PIK3C2G: variants seen among roughly 807,000 people sequenced by gnomAD.
PIK3C2G encodes the protein phosphatidylinositol-4-phosphate 3-kinase catalytic subunit type 2 gamma, also known as phosphatidylinositol 3-kinase C2 domain-containing subunit gamma.
A neutral mutation model predicts 181.1 loss-of-function variants in PIK3C2G; 168 were observed. The ratio of observed to expected loss-of-function variants is 0.93; its 90% CI spans 0.82 to 1.05. PIK3C2G has a LOEUF of 1.05. Among genes scored for constraint, PIK3C2G ranks in the 50% least tolerant of loss-of-function variants. The probability of loss-of-function intolerance (pLI) is 0.00; values close to 1 mark genes in which losing one functional copy is unlikely to be tolerated. For missense variants in PIK3C2G, 1,869 were observed against 1,732.8 expected (o/e 1.08, Z -1.40); for synonymous variants, 573 against 592.2 (o/e 0.97, Z 0.47).
At chr12:18,495,766 C>T (rs1940951182) in intron 20 of PIK3C2G, among the ~76,000 whole-genome samples, 1 of 152,098 alleles carries the variant, frequency 6.6e-6, no homozygotes, top group Non-Finnish European at 1.5e-5. Flanking sequence ...CTGCTTAGTT[C>T]ATTTAAACCT....
chr12:18,718,836 T>C, the PIK3C2G span, among the ~76,000 whole-genome samples: 1 of 152,226 alleles, frequency 6.6e-6, no homozygotes, highest in Non-Finnish European at 1.5e-5. Context: ...AATCTTATTC[T>C]GCACTGTATC....
At chr12:18,528,069 T>C (rs553598208) in intron 24 of PIK3C2G, among the ~76,000 whole-genome samples, 1 of 152,324 alleles carries the variant, frequency 6.6e-6, no homozygotes, top group South Asian at 2.1e-4. Context: ...TCTATAATAG[T>C]ACATGCACTC....
chr12:18,576,401 G>T (rs750139010), intron 29 of PIK3C2G, among the ~76,000 whole-genome samples: 1 of 152,112 alleles, frequency 6.6e-6, no homozygotes, highest in South Asian at 2.1e-4. Context: ...GTGCCCTCCA[G>T]AAAGATCACT....
chr12:18,472,981 T>G (rs893401711), intron 18 of PIK3C2G, among the ~76,000 whole-genome samples: 2 of 152,190 alleles, frequency 1.3e-5, no homozygotes, highest in African/African-American at 4.8e-5. Context: ...ATTACAGGCG[T>G]GAGCCGTCGC....
chr12:18,600,732 A>T (rs1187028966), intron 30 of PIK3C2G, among the ~76,000 whole-genome samples: 2 of 152,048 alleles, frequency 1.3e-5, no homozygotes, highest in Non-Finnish European at 2.9e-5. Context: ...AGGAAAAAAA[A>T]ATTTACTTGG....
At chr12:18,386,347 T>A (rs1290263008) in intron 14 of PIK3C2G, among the ~76,000 whole-genome samples, 1 of 152,218 alleles carries the variant, frequency 6.6e-6, no homozygotes. Flanking sequence ...CAGTAGTTTT[T>A]AGTATTTTCA....
At chr12:18,452,504 TA>T (rs140549381) in intron 18 of PIK3C2G, among the ~76,000 whole-genome samples, 21,660 of 151,232 alleles carry the variant, frequency 0.14, 1,702 homozygotes, top group African/African-American at 0.2. Flanking sequence ...AATCTTTTTT[TA>T]AAAAAAAACA....
At position 18,391,252 on chromosome 12, in the gene PIK3C2G, T is replaced by C. The variant is rs201900199; in HGVS notation, c.2126T>C (p.Leu709Pro). Residue 709 changes from leucine to proline, a missense_variant and splice_region_variant, in exon 15 of 33, where the codon CTA becomes CCA. By Grantham distance (98) the Leu-to-Pro change is moderately conservative. Coordinates refer to ENST00000538779, the MANE Select transcript of PIK3C2G (RefSeq NM_001288772.2). ...CTTTCACAGAAACAGACTCCCCTACTGTAAGTGACCTAGGTCTTGTGAATG... is the reference window on the plus strand; with the variant it reads ...CTTTCACAGAAACAGACTCCCCTACCGTAAGTGACCTAGGTCTTGTGAATG... The part of the protein sequence containing the change: ...ARLSQKQTPL[L>P]LSEEKKRYLW... 9.6e-5 allele frequency: 150 copies of C among 1,570,050 alleles called. No individual in the cohort carries two copies. The highest frequency in any genetic ancestry group is 1.2e-4 in the Non-Finnish European group (138 of 1,160,758).
intron 12 of PIK3C2G, among the ~76,000 whole-genome samples, chr12:18,370,295 T>C (rs1019659632): frequency 5.3e-5 from 8 of 152,180 alleles, no homozygotes; most frequent in Admixed American, 2.0e-4. Flanking sequence ...CATATATTGA[T>C]GATTTCAACC....
At chr12:18,596,491 AT>A (rs1202953246) in intron 30 of PIK3C2G, among the ~76,000 whole-genome samples, 9 of 152,156 alleles carry the variant, frequency 5.9e-5, no homozygotes, top group African/African-American at 2.2e-4. Flanking sequence ...CCACAAAAAA[AT>A]AAAATAAAAT....
At chr12:18,323,426 G>T (rs767121330) in intron 7 of PIK3C2G, among the ~76,000 whole-genome samples, 3 of 152,108 alleles carry the variant, frequency 2.0e-5, no homozygotes, top group Non-Finnish European at 2.9e-5. Context: ...TAATCCCATA[G>T]CCATGACTAA....
At chr12:18,637,495 C>T (rs140313394) in intron 31 of PIK3C2G, among the ~76,000 whole-genome samples, 358 of 151,668 alleles carry the variant, frequency 2.4e-3, no homozygotes, top group African/African-American at 8.0e-3. Flanking sequence ...CTACATCATG[C>T]GTCTGCAGGA....
intron 32 of PIK3C2G, among the ~76,000 whole-genome samples, chr12:18,647,455 A>G: frequency 9.3e-6 from 1 of 108,054 alleles, no homozygotes; most frequent in East Asian, 5.8e-4. Flanking sequence ...CTAAAATTGA[A>G]AAAAAAAAAA....
At chr12:18,412,186 A>G (rs186252595) in intron 16 of PIK3C2G, among the ~76,000 whole-genome samples, 46 of 152,250 alleles carry the variant, frequency 3.0e-4, no homozygotes, top group African/African-American at 1.1e-3. Flanking sequence ...CTTCACAGAT[A>G]ATTTGAGCCC....
At chr12:18,488,949 A>G (rs918697396) in intron 19 of PIK3C2G, among the ~76,000 whole-genome samples, 2 of 152,086 alleles carry the variant, frequency 1.3e-5, no homozygotes, top group Non-Finnish European at 2.9e-5. Context: ...ATTCAGACTC[A>G]TGGAGAAATA....
At chr12:18,260,757 A>G (rs1948211349), upstream of PIK3C2G, among the ~76,000 whole-genome samples, 1 of 152,084 alleles carries the variant, frequency 6.6e-6, no homozygotes. Context: ...ATTTATTTTT[A>G]TTTCCTAAAA....
At chr12:18,608,611 G>A (rs934846221) in intron 30 of PIK3C2G, among the ~76,000 whole-genome samples, 1 of 151,604 alleles carries the variant, frequency 6.6e-6, no homozygotes, top group East Asian at 2.0e-4. Flanking sequence ...AATGTTAAAT[G>A]ACAAGTTAAT....
the PIK3C2G span, chr12:18,699,923 A>G: frequency 6.2e-7 from 1 of 1,611,558 alleles, no homozygotes; most frequent in Admixed American, 1.7e-5. Flanking sequence ...AGATCAGATA[A>G]GGCCAGAGCA....
At chr12:18,558,430 G>A (rs1248085652) in intron 26 of PIK3C2G, among the ~76,000 whole-genome samples, 1 of 152,116 alleles carries the variant, frequency 6.6e-6, no homozygotes, top group Non-Finnish European at 1.5e-5. Flanking sequence ...ATTTTTCCCT[G>A]TAAAATATAT....
Sources: gnomAD v4.1 joint callset for allele counts (sites outside exome capture counted in the v4.1 genomes callset) on GRCh38, gnomAD v4.1.1 for gene constraint, MANE v1.5 for transcripts, NCBI Gene and HGNC (gene_info 2026-07-23, HGNC 2026-07-21) for gene names.